Variants in METTL22 observed in about 807,000 individuals in gnomAD.
METTL22 encodes methyltransferase-like protein 22.
Under a neutral mutation model 48.4 loss-of-function variants are expected in METTL22, and 51 were observed. The observed-to-expected ratio is 1.05, with a 90% CI of 0.84 to 1.33. The LOEUF (loss-of-function observed/expected upper bound fraction) is 1.33, where lower values mean the gene tolerates loss of function less well. Among genes scored for constraint, METTL22 ranks in the 40% most tolerant of loss-of-function variants. METTL22 has a pLI of 0.00. For missense variants in METTL22, 678 were observed against 526.9 expected (o/e 1.29, Z -2.81); for synonymous variants, 255 against 214.1 (o/e 1.19, Z -1.67).
chr16:8,627,005 G>T (rs752076473), intron 2 of METTL22, among the ~76,000 whole-genome samples: 1 of 151,166 alleles, frequency 6.6e-6, no homozygotes, highest in Non-Finnish European at 1.5e-5. Flanking sequence ...CTGACCTCGT[G>T]CCGCCCGCCT....
chr16:8,640,876 A>AGGTGGGTG (rs1567241103), intron 6 of METTL22, among the ~76,000 whole-genome samples: 1 of 14,176 alleles, frequency 7.1e-5, no homozygotes. Flanking sequence ...GAAGATGGGC[A>AGGTGGGTG]GGTGGGTGGG....
rs2056817562 is a variant in METTL22, at chr16:8,647,068, A to G, written c.*925A>G. The G allele has an allele frequency of 4.0e-6, 1 of 248,252 alleles. No homozygotes were observed. The highest frequency in any genetic ancestry group is 8.0e-6 in the Non-Finnish European group (1 of 124,488). 15.4% of individuals were successfully genotyped at this position (248,252 alleles called of 1,614,324 possible). A position where few individuals can be genotyped will look rare whatever the true frequency, so the allele number is the denominator to read the frequency against. ...CGCACACTTTGCACCAGGGCCTTTC[A>G]TGGCCCCTTTCCGCCTCCCTTGCAG... On this transcript the variant is annotated 3_prime_UTR_variant, in exon 11 of 11. Transcript: ENST00000381920.
At chr16:8,661,599 T>C in the METTL22 span, among the ~76,000 whole-genome samples, 95,887 of 126,722 alleles carry the variant, frequency 0.76, 39,648 homozygotes, top group East Asian at 0.99. Context: ...GAGCCGAGAT[T>C]GAGCCACTGC....
At chr16:8,664,750 C>A in the METTL22 span, among the ~76,000 whole-genome samples, 1 of 152,098 alleles carries the variant, frequency 6.6e-6, no homozygotes, top group African/African-American at 2.4e-5. Context: ...CATGAGCCAC[C>A]ACGTCTAGCC....
intron 3 of METTL22, among the ~76,000 whole-genome samples, chr16:8,632,862 C>T (rs923743999): frequency 6.6e-6 from 1 of 152,182 alleles, no homozygotes; most frequent in Admixed American, 6.5e-5. Context: ...GGGAAGCTAG[C>T]CACCCATTGA....
At chr16:8,653,911 T>C (rs1040740209), downstream of METTL22, among the ~76,000 whole-genome samples, 3 of 152,042 alleles carry the variant, frequency 2.0e-5, no homozygotes, top group African/African-American at 7.3e-5. Context: ...CAGGGAAGAA[T>C]TTTGTGGAAA....
chr16:8,657,657 T>C, the METTL22 span, among the ~76,000 whole-genome samples: 1 of 152,170 alleles, frequency 6.6e-6, no homozygotes, highest in Middle Eastern at 3.2e-3. Context: ...CTAAACAAGC[T>C]ATGTCCACGT....
chr16:8,640,460 G>A (rs955915856), intron 6 of METTL22, among the ~76,000 whole-genome samples: 3 of 151,084 alleles, frequency 2.0e-5, no homozygotes, highest in African/African-American at 4.9e-5. Context: ...TCCCTGACAC[G>A]TAGCACTCAA....
Position 8,647,962 on chromosome 16 carries a change from C to T in METTL22, c.*1819C>T, listed in dbSNP as rs1344863352. The T allele has an allele frequency of 6.6e-6, 1 of 152,294 alleles. No individual in the cohort carries two copies. The highest frequency in any genetic ancestry group is 1.5e-5 in the Non-Finnish European group (1 of 68,086). 9.4% of individuals were successfully genotyped at this position (152,294 alleles called of 1,614,324 possible). ...ACCCATGTCCATCTGACTCCTGAGC[C>T]TGTGCTTTTCCCACATTCCCGCTGG... On this transcript the variant is annotated 3_prime_UTR_variant, in exon 11 of 11. Transcript: ENST00000381920.
rs892338506 is a variant in METTL22, at chr16:8,627,536, A to G, written c.134-1194A>G. 7.9e-5 allele frequency among the ~76,000 whole-genome samples: 12 copies of G among 152,180 alleles called. No individual in the cohort carries two copies. The South Asian group carries it at 2.1e-3, about 26-fold the overall frequency. On this transcript the variant is annotated intron_variant, in intron 2 of 10. Coordinates refer to ENST00000381920, the MANE Select transcript of METTL22 (RefSeq NM_024109.4). ...TATGGTGTGATTATTAATAATTCCC[A>G]TTGACCTCCTGCCCTAATTTGGATG...
chr16:8,653,296 TA>T (rs1180685068), downstream of METTL22, among the ~76,000 whole-genome samples: 1 of 152,228 alleles, frequency 6.6e-6, no homozygotes, highest in African/African-American at 2.4e-5. Flanking sequence ...TAAGTTTTAA[TA>T]TCTAAACTGG....
chr16:8,644,747 G>T (rs757855376), intron 10 of METTL22, 22 bp downstream of exon 10: 27 of 1,535,326 alleles, frequency 1.8e-5, no homozygotes, highest in Non-Finnish European at 2.4e-5. Flanking sequence ...CCCCGAAGCA[G>T]GGCCGTTGGT....
At chr16:8,646,022 T>TGCTTG in intron 10 of METTL22, 86 bp from the exon 11 acceptor site, 1 of 1,596,112 alleles carries the variant, frequency 6.3e-7, no homozygotes, top group Non-Finnish European at 8.5e-7. Context: ...CTAACTACTC[T>TGCTTG]CCTTGGTGAA....
chr16:8,652,674 A>G (rs1279756942), downstream of METTL22, among the ~76,000 whole-genome samples: 2 of 132,560 alleles, frequency 1.5e-5, no homozygotes, highest in East Asian at 2.2e-4. Context: ...ACAAATAATT[A>G]TTTTAAAAAA....
At chr16:8,635,583 C>T (rs2056400026) in intron 5 of METTL22, among the ~76,000 whole-genome samples, 1 of 152,218 alleles carries the variant, frequency 6.6e-6, no homozygotes. Context: ...GTACCTCTCT[C>T]CCCACTCCTG....
chr16:8,639,490 T>C (rs1208604384), intron 6 of METTL22: 4 of 355,040 alleles, frequency 1.1e-5, no homozygotes, highest in African/African-American at 6.1e-5. Flanking sequence ...GTGCCCTTTC[T>C]CAGATGCAAG....
At chr16:8,657,624 C>G in the METTL22 span, among the ~76,000 whole-genome samples, 1 of 152,094 alleles carries the variant, frequency 6.6e-6, no homozygotes, top group Non-Finnish European at 1.5e-5. Flanking sequence ...CTTTTTGAAA[C>G]TATAGTGGGT....
intron 1 of METTL22, 129 bp downstream of exon 1, chr16:8,621,904 C>G (rs1440206458): frequency 6.6e-6 from 1 of 152,324 alleles, no homozygotes; most frequent in African/African-American, 2.4e-5. Flanking sequence ...CCACTCTTAG[C>G]GTCAGTTTCC....
intron 9 of METTL22, among the ~76,000 whole-genome samples, chr16:8,644,080 A>T (rs1567245786): frequency 6.6e-6 from 1 of 151,184 alleles, no homozygotes; most frequent in South Asian, 2.1e-4. Flanking sequence ...GAAGGTGCTC[A>T]CTCTCTGAAA....
Sources: allele counts gnomAD v4.1 joint callset (sites outside exome capture counted in the v4.1 genomes callset), GRCh38; gene constraint gnomAD v4.1.1; transcripts MANE v1.5; gene names NCBI Gene and HGNC (gene_info 2026-07-23, HGNC 2026-07-21).